LCORL: variants seen among roughly 807,000 people sequenced by gnomAD.
LCORL encodes ligand-dependent nuclear receptor corepressor-like protein.
LCORL carries 41 observed loss-of-function variants against 141.8 expected under a neutral mutation model. The ratio of observed to expected loss-of-function variants is 0.29; its 90% CI spans 0.23 to 0.38. The LOEUF (loss-of-function observed/expected upper bound fraction) is 0.38. Among genes scored for constraint, LCORL ranks in the 10% least tolerant of loss-of-function variants. LCORL has a pLI of 1.00. For synonymous variants in LCORL, 618 were observed against 694.1 expected (o/e 0.89, Z 1.72); for missense variants, 1,759 against 2,035.0 (o/e 0.86, Z 2.61).
At chr4:18,016,027 T>C (rs1174507457) in intron 1 of LCORL, among the ~76,000 whole-genome samples, 1 of 151,986 alleles carries the variant, frequency 6.6e-6, no homozygotes, top group Admixed American at 6.6e-5. Flanking sequence ...GGCTCTAGAA[T>C]AGTCTAGAAT....
At chr4:17,879,435 C>T (rs1400558788) in intron 6 of LCORL, among the ~76,000 whole-genome samples, 2 of 150,894 alleles carry the variant, frequency 1.3e-5, no homozygotes, top group Non-Finnish European at 3.0e-5. Context: ...AGTGATCTGA[C>T]ATAAAGAAGC....
intron 4 of LCORL, among the ~76,000 whole-genome samples, chr4:17,947,844 T>C (rs1739128577): frequency 6.6e-6 from 1 of 152,022 alleles, no homozygotes; most frequent in South Asian, 2.1e-4. Context: ...ATCTAATTTA[T>C]GTTCCATTTT....
Position 17,876,437 on chromosome 4 carries a change from CCAGG to C in LCORL, c.2549_2552del (p.Ser850Ter). The C allele has an allele frequency of 8.1e-7, 1 of 1,230,702 alleles. No individual in the cohort carries two copies. 76.2% of individuals were successfully genotyped at this position (1,230,702 alleles called of 1,614,324 possible). On this transcript the variant is annotated frameshift_variant, in exon 7 of 8. Coordinates refer to ENST00000635767, the Ensembl canonical transcript of LCORL. LOFTEE classifies it high-confidence loss of function. The stretch of plus-strand genomic sequence containing the variant: ...ATCCTTCTGATAATGGCTGATTATT[CCAGG>C]ATTTTTTGGCTATACTTATTGTATC...
chr4:17,892,208 T>C (rs868615917), intron 5 of LCORL, among the ~76,000 whole-genome samples: 27 of 149,384 alleles, frequency 1.8e-4, no homozygotes, highest in African/African-American at 5.0e-4. Context: ...TTTTTTTTTT[T>C]CTTTTTTTTT....
In LCORL at chr4:18,021,728, C is replaced by A; in HGVS notation, c.24G>T (p.Met8Ile). Residue 8 changes from methionine (M) to isoleucine (I), a missense_variant, in exon 1 of 8, where the codon ATG becomes ATT. Physicochemically the swap from Met to Ile is conservative, Grantham distance 10. Coordinates refer to ENST00000635767, the Ensembl canonical transcript of LCORL. This position sits in a 1 kb window ranked among gnomAD's most constrained non-coding sequence, Gnocchi z 5.5. ...CGGCAGCAGCGGCGGCGGCAGCGGC[C>A]ATTCTCTCTCTTCCCTTGTCCATCT... The A allele has an allele frequency of 6.6e-7, 1 of 1,523,228 alleles. No homozygotes were observed. Among genetic ancestry groups the A allele is most frequent in the Non-Finnish European group, 8.8e-7 (1 of 1,134,246 alleles). The allele number at this position is 1,523,228 out of a possible 1,614,324, so 94.4% of individuals were successfully genotyped here. A position where few individuals can be genotyped will look rare whatever the true frequency, so the allele number is the denominator to read the frequency against.
At chr4:17,977,124 T>C (rs1717134142) in intron 1 of LCORL, among the ~76,000 whole-genome samples, 1 of 152,182 alleles carries the variant, frequency 6.6e-6, no homozygotes, top group African/African-American at 2.4e-5. Context: ...AGAATAATTT[T>C]TAGCTTTCTC....
chr4:17,847,589 G>A (rs1266965551), intron 7 of LCORL, among the ~76,000 whole-genome samples: 4 of 152,058 alleles, frequency 2.6e-5, no homozygotes, highest in African/African-American at 4.8e-5. Flanking sequence ...AAGCTAAAAC[G>A]GATGTGATTA....
intron 4 of LCORL, among the ~76,000 whole-genome samples, chr4:17,951,833 G>A (rs1232344435): frequency 6.6e-6 from 1 of 152,198 alleles, no homozygotes; most frequent in African/African-American, 2.4e-5. Context: ...TAATGAACTA[G>A]TCATGGACCA....
chr4:17,905,025 T>C (rs1731393411), intron 5 of LCORL, among the ~76,000 whole-genome samples: 1 of 152,138 alleles, frequency 6.6e-6, no homozygotes, highest in Admixed American at 6.6e-5. Flanking sequence ...TATAATATTC[T>C]CCATAAGACC....
intron 1 of LCORL, among the ~76,000 whole-genome samples, chr4:17,987,970 T>G (rs540728756): frequency 2.0e-5 from 3 of 152,222 alleles, no homozygotes; most frequent in African/African-American, 7.2e-5. Flanking sequence ...TTTGGCTCTG[T>G]GTCCCCACCC....
At chr4:17,954,905 C>T (rs112987970) in intron 4 of LCORL, among the ~76,000 whole-genome samples, 5 of 152,024 alleles carry the variant, frequency 3.3e-5, no homozygotes, top group Admixed American at 3.3e-4. Context: ...TTGTGGGATG[C>T]CTATTAGCCA....
exon 7 of LCORL, chr4:17,876,282 T>C (rs956963904): frequency 8.9e-6 from 11 of 1,231,100 alleles, no homozygotes; most frequent in African/African-American, 1.6e-5. Context: ...ATTGATAATA[T>C]TGCCGGATGC....
chr4:17,910,006 G>A (rs963102631), intron 4 of LCORL, among the ~76,000 whole-genome samples: 2 of 152,152 alleles, frequency 1.3e-5, no homozygotes, highest in African/African-American at 4.8e-5. Context: ...CACTGAAACT[G>A]TAGAATAATT....
chr4:17,852,777 T>C (rs1723914384), intron 7 of LCORL, among the ~76,000 whole-genome samples: 1 of 152,158 alleles, frequency 6.6e-6, no homozygotes, highest in African/African-American at 2.4e-5. Context: ...GGAAATCTTT[T>C]GGGAGTCATA....
At chr4:17,870,158 T>A (rs1726168616) in intron 7 of LCORL, among the ~76,000 whole-genome samples, 1 of 152,032 alleles carries the variant, frequency 6.6e-6, no homozygotes, top group Non-Finnish European at 1.5e-5. Context: ...TGCTCTTTTT[T>A]AAAAAAAATT....
intron 1 of LCORL, among the ~76,000 whole-genome samples, chr4:17,981,477 C>T (rs1429299006): frequency 6.6e-6 from 1 of 152,140 alleles, no homozygotes; most frequent in African/African-American, 2.4e-5. Flanking sequence ...TTTCCTTCAG[C>T]CAGACACGGT....
At chr4:17,916,685 C>T (rs1733490042) in intron 4 of LCORL, among the ~76,000 whole-genome samples, 2 of 148,868 alleles carry the variant, frequency 1.3e-5, no homozygotes, top group African/African-American at 2.5e-5. Context: ...GTCCCCGTCA[C>T]CCAGGCTGGA....
intron 5 of LCORL, among the ~76,000 whole-genome samples, chr4:17,901,215 C>T (rs902111579): frequency 6.6e-6 from 1 of 151,076 alleles, no homozygotes; most frequent in African/African-American, 2.4e-5. Context: ...CTGCAGAATA[C>T]CATAAACAAA....
Position 17,884,471 on chromosome 4 carries a change from G to T in LCORL, c.776+1597C>A. 6.5e-7 allele frequency: 1 copy of T among 1,549,160 alleles called. No homozygotes were observed. The highest frequency in any genetic ancestry group is 8.7e-7 in the Non-Finnish European group (1 of 1,145,994). ...TTCTGTGCGCTCTGCTTGAGCTCTT[G>T]CCCACAAGGCTACTTTTTGCAGCAC... On this transcript the variant is annotated intron_variant, in intron 6 of 7. Transcript: ENST00000635767. The surrounding 1 kb of genome is among the most constrained non-coding windows in gnomAD (Gnocchi z 4.4).
Sources: gnomAD v4.1 joint callset for allele counts (sites outside exome capture counted in the v4.1 genomes callset) on GRCh38, gnomAD v4.1.1 for gene constraint, Gnocchi (gnomAD v3.1) non-coding constraint, MANE v1.5 for transcripts, NCBI Gene and HGNC (gene_info 2026-07-23, HGNC 2026-07-21) for gene names.